MGST2: variants seen among roughly 807,000 people sequenced by gnomAD.
MGST2 encodes glutathione peroxidase MGST2.
Under a neutral mutation model 16.6 loss-of-function variants are expected in MGST2, and 9 were observed. The observed-to-expected ratio is 0.54, with a 90% CI of 0.33 to 0.95. The LOEUF is 0.95. Ranked by LOEUF, MGST2 falls within the 40% of genes least tolerant of loss-of-function variation. The probability of loss-of-function intolerance (pLI) is 0.03; values close to 1 mark genes in which losing one functional copy is unlikely to be tolerated. For missense variants in MGST2, 159 were observed against 175.1 expected (o/e 0.91, Z 0.52); for synonymous variants, 79 against 68.0 (o/e 1.16, Z -0.79).
intron 2 of MGST2, among the ~76,000 whole-genome samples, chr4:139,685,835 TG>T (rs1273192350): frequency 6.6e-6 from 1 of 151,954 alleles, no homozygotes; most frequent in Non-Finnish European, 1.5e-5. Context: ...GGCTAATTTT[TG>T]TATTTTTAGT....
chr4:139,753,388 T>TATC, the MGST2 span, among the ~76,000 whole-genome samples: 2 of 113,224 alleles, frequency 1.8e-5, no homozygotes, highest in Admixed American at 9.2e-5. Flanking sequence ...ATCTATCTAT[T>TATC]TTTTGTTAGG....
chr4:139,719,710 G>A lies in MGST2; in HGVS notation c.*48+15514G>A, dbSNP rs558784034. The A allele has an allele frequency of 7.4e-5, 120 of 1,613,650 alleles. 2 individuals carry two copies. In the South Asian group the frequency reaches 1.1e-3, roughly 14 times the overall value. Reference sequence around the variant, plus strand: ...TCACTGTGCCCGTGTTAGCATCCACGACTGACTGGCTCAGTCCCTGTGGGA... The same window carrying A: ...TCACTGTGCCCGTGTTAGCATCCACAACTGACTGGCTCAGTCCCTGTGGGA... On this transcript the variant is annotated intron_variant, in intron 5 of 5. Transcript: ENST00000616265.
intron 5 of MGST2, among the ~76,000 whole-genome samples, chr4:139,722,771 A>C (rs1000106388): frequency 7.2e-5 from 11 of 152,248 alleles, no homozygotes; most frequent in African/African-American, 2.7e-4. Flanking sequence ...GTTCTCATGC[A>C]AGTTATACCT....
intron 1 of MGST2, among the ~76,000 whole-genome samples, chr4:139,672,470 GC>G (rs1258301085): frequency 1.3e-5 from 2 of 152,104 alleles, no homozygotes; most frequent in Non-Finnish European, 2.9e-5. Context: ...GAGGGATGGA[GC>G]CCAGGGTTGG....
intron 3 of MGST2, chr4:139,698,387 C>G (rs1052491084): frequency 6.3e-7 from 1 of 1,599,674 alleles, no homozygotes. Flanking sequence ...CAGTGGACTT[C>G]TGATAACGTC....
rs1377381 is a variant in MGST2, at chr4:139,694,197, T to A, written c.159-1000T>A. Reference sequence around the variant, plus strand: ...TTGTAATTATGCTTTTTTTTTTTTTTAAATTCAGAGAAAAAAGATCACTTA... The same window carrying A: ...TTGTAATTATGCTTTTTTTTTTTTTAAAATTCAGAGAAAAAAGATCACTTA... On this transcript the variant is annotated intron_variant, in intron 2 of 4. Coordinates refer to ENST00000265498, the MANE Select transcript of MGST2 (RefSeq NM_002413.5). Among the ~76,000 whole-genome samples, 973 of 151,402 alleles carry A rather than the reference T, an allele frequency of 6.4e-3. 23 individuals are homozygous for A. Among genetic ancestry groups the A allele is most frequent in the Admixed American group, 0.046 (707 of 15,218 alleles).
chr4:139,734,015 G>T (rs1255474392), intron 5 of MGST2, among the ~76,000 whole-genome samples: 1 of 152,190 alleles, frequency 6.6e-6, no homozygotes, highest in Non-Finnish European at 1.5e-5. Context: ...TTAAAGGACT[G>T]CCTTCCATAC....
intron 5 of MGST2, among the ~76,000 whole-genome samples, chr4:139,709,468 C>T (rs1411424252): frequency 2.6e-5 from 4 of 152,072 alleles, no homozygotes; most frequent in Non-Finnish European, 4.4e-5. Context: ...ATAATTATAT[C>T]GTGGCTAGAG....
chr4:139,703,481 T>C lies in MGST2; in HGVS notation c.256T>C (p.Tyr86His). ...QVFATCLGLV[Y>H]IYGRHLYFWG... ...TTTTGCTACTTGTCTGGGTCTGGTG[T>C]ACATATATGGCCGTCACCTATACTT... The change falls in exon 4 of 5, where the codon TAC becomes CAC. Residue 86 changes from tyrosine to histidine, a missense_variant. Transcript: ENST00000265498. 2 of 1,614,064 alleles carry C rather than the reference T, an allele frequency of 1.2e-6. No individual in the cohort carries two copies. Among genetic ancestry groups the C allele is most frequent in the Non-Finnish European group, 1.7e-6 (2 of 1,179,972 alleles).
chr4:139,703,142 T>A (rs1175521271), intron 3 of MGST2, among the ~76,000 whole-genome samples: 1 of 151,794 alleles, frequency 6.6e-6, no homozygotes, highest in Admixed American at 6.6e-5. Flanking sequence ...GCCAGGCTGG[T>A]CTTGAACTCC....
intron 5 of MGST2, among the ~76,000 whole-genome samples, chr4:139,721,459 C>G (rs1315449004): frequency 2.6e-5 from 4 of 152,182 alleles, no homozygotes; most frequent in Non-Finnish European, 4.4e-5. Flanking sequence ...AGTCAATATT[C>G]TAAGCAAATT....
At chr4:139,693,404 CAAAAAAA>C (rs55723907) in intron 2 of MGST2, among the ~76,000 whole-genome samples, 3 of 66,802 alleles carry the variant, frequency 4.5e-5, no homozygotes, top group African/African-American at 1.8e-4. Flanking sequence ...GACTACGTCT[CAAAAAAA>C]AAAAAAAAAA....
downstream of MGST2, among the ~76,000 whole-genome samples, chr4:139,706,094 AAAAG>A (rs1351247511): frequency 6.6e-6 from 1 of 152,190 alleles, no homozygotes; most frequent in Non-Finnish European, 1.5e-5. Context: ...TATTAATAGA[AAAAG>A]AAAGAGAGAC....
the MGST2 span, among the ~76,000 whole-genome samples, chr4:139,751,171 C>T: frequency 6.6e-6 from 1 of 152,188 alleles, no homozygotes; most frequent in East Asian, 1.9e-4. Context: ...TCTCCCATGT[C>T]CCTGTCTAAA....
At chr4:139,698,729 T>C (rs1015656204) in intron 3 of MGST2, among the ~76,000 whole-genome samples, 2 of 152,304 alleles carry the variant, frequency 1.3e-5, no homozygotes. Flanking sequence ...GCAAGGTTTT[T>C]CCCCCTGCTG....
chr4:139,669,510 G>T (rs1369501309), intron 1 of MGST2, among the ~76,000 whole-genome samples: 1 of 152,198 alleles, frequency 6.6e-6, no homozygotes, highest in Non-Finnish European at 1.5e-5. Context: ...CGCTGGGGAG[G>T]AAATCCCACC....
At chr4:139,746,898 G>A in the MGST2 span, among the ~76,000 whole-genome samples, 1 of 152,174 alleles carries the variant, frequency 6.6e-6, no homozygotes, top group Non-Finnish European at 1.5e-5. Context: ...CGGGTGGGAG[G>A]GGGTTGCTGG....
intron 2 of MGST2, among the ~76,000 whole-genome samples, chr4:139,688,616 T>C (rs1726381718): frequency 1.3e-5 from 2 of 152,244 alleles, no homozygotes; most frequent in East Asian, 3.9e-4. Context: ...GTCTAAAAAC[T>C]ATGGAGAAAA....
downstream of MGST2, among the ~76,000 whole-genome samples, chr4:139,707,523 T>A (rs1345643028): frequency 6.6e-6 from 1 of 152,246 alleles, no homozygotes; most frequent in Non-Finnish European, 1.5e-5. Context: ...CGTGTGCATG[T>A]GTCTTTATAG....
Sources: gnomAD v4.1 joint callset for allele counts (sites outside exome capture counted in the v4.1 genomes callset) on GRCh38, gnomAD v4.1.1 for gene constraint, MANE v1.5 for transcripts, NCBI Gene and HGNC (gene_info 2026-07-23, HGNC 2026-07-21) for gene names.